TRAF1: variants seen among roughly 807,000 people sequenced by gnomAD.
TRAF1 encodes the protein TNF receptor-associated factor 1.
Under a neutral mutation model 40.9 loss-of-function variants are expected in TRAF1, and 23 were observed. That is an observed-to-expected ratio of 0.56 (90% confidence interval 0.40 to 0.80). TRAF1 has a LOEUF of 0.80. TRAF1 is among the 30% of genes least tolerant of loss of function. The probability of loss-of-function intolerance (pLI) is 0.00; values close to 1 mark genes in which losing one functional copy is unlikely to be tolerated. For missense variants in TRAF1, 477 were observed against 528.7 expected (o/e 0.90, Z 0.96); for synonymous variants, 206 against 218.8 (o/e 0.94, Z 0.52).
intron 7 of TRAF1, among the ~76,000 whole-genome samples, chr9:120,908,637 G>A (rs1453291614): frequency 1.3e-5 from 2 of 151,966 alleles, no homozygotes; most frequent in Admixed American, 1.3e-4. Context: ...TTGGCTAACT[G>A]CAACCTCCGC....
intron 1 of TRAF1, 69 bp from the exon 2 acceptor site, chr9:120,926,370 A>G (rs981692933): frequency 4.2e-6 from 1 of 240,780 alleles, no homozygotes. Flanking sequence ...AGTCAGAGAA[A>G]ATGACCCGTG....
Position 120,909,231 on chromosome 9 carries a change from T to G in TRAF1, c.1031A>C (p.Lys344Thr). Residue 344 changes from lysine to threonine, a missense_variant and splice_region_variant, in exon 7 of 8, where the codon AAG becomes ACG. Physicochemically the swap from Lys to Thr is moderately conservative, Grantham distance 78 (BLOSUM62 -1). Transcript: ENST00000373887. ...CCCCCATCACCTTCACACCCATACC[T>G]TGTTCCGGAAGGGCCACGGCAGCAG... ...DALLPWPFRN[K>T]VTFMLLDQNN... 1 of 1,613,672 alleles carries G rather than the reference T, an allele frequency of 6.2e-7. No homozygotes were observed. The highest frequency in any genetic ancestry group is 8.5e-7 in the Non-Finnish European group (1 of 1,179,930).
chr9:120,922,057 T>C (rs891301494), intron 3 of TRAF1, among the ~76,000 whole-genome samples: 1 of 152,240 alleles, frequency 6.6e-6, no homozygotes, highest in African/African-American at 2.4e-5. Context: ...ATCAGGCTCC[T>C]GATCCCTGGG....
At chr9:120,924,224 T>C (rs1027806413) in intron 2 of TRAF1, among the ~76,000 whole-genome samples, 10 of 152,228 alleles carry the variant, frequency 6.6e-5, no homozygotes, top group Non-Finnish European at 1.3e-4. Context: ...GACATGTGAC[T>C]ATATTTGCTC....
intron 3 of TRAF1, among the ~76,000 whole-genome samples, chr9:120,917,320 C>G (rs1321529216): frequency 1.3e-5 from 2 of 152,096 alleles, no homozygotes; most frequent in African/African-American, 4.8e-5. Context: ...GCCTCTGGAG[C>G]CAGCCTTTTG....
At chr9:120,914,377 A>G in intron 3 of TRAF1, 77 bp from the exon 4 acceptor site, 5 of 1,321,444 alleles carry the variant, frequency 3.8e-6, no homozygotes, top group South Asian at 2.5e-5. Flanking sequence ...ATGCACCAGG[A>G]TCCACCAGGG....
At position 120,923,710 on chromosome 9, in the gene TRAF1, C is replaced by T. The variant is rs773234944; in HGVS notation, c.223G>A (p.Glu75Lys). 4 of 1,614,012 alleles carry T rather than the reference C, an allele frequency of 2.5e-6. No homozygotes were observed. The African/African-American group carries it at 4.0e-5, about 16-fold the overall frequency. Residue 75 changes from glutamate (E) to lysine (K), a missense_variant, in exon 3 of 8, where the codon GAG becomes AAG. Coordinates refer to ENST00000373887, the MANE Select transcript of TRAF1 (RefSeq NM_005658.5). The part of the protein sequence containing the change: ...ISPGSRLRTQ[E>K]KAHPEVAEAG... The stretch of plus-strand genomic sequence containing the variant: ...TCTGTGATGTGCCAACGTACCTTCT[C>T]CTGAGTTCGAAGACGGCTTCCTGGG...
At chr9:120,905,324 A>C (rs2046472475) in intron 7 of TRAF1, 86 bp from the exon 8 acceptor site, 3 of 1,363,904 alleles carry the variant, frequency 2.2e-6, no homozygotes, top group African/African-American at 1.4e-5. Flanking sequence ...GCTGTGCTCC[A>C]CACCTACTGC....
rs2046508412 is a variant in TRAF1 at position 120,909,341 on chromosome 9, C to T, written c.921G>A (p.Leu307=). The change falls in exon 7 of 8, where the codon CTG becomes CTA. Residue 307 remains leucine (L), a synonymous_variant. Transcript: ENST00000373887. ...TGCCATCTCCATTCAGGTACAGCCG[C>T]AGGCACAACTTGTAGCCATACTTGG... ...YTAKYGYKLC[L]RLYLNGDGTG... 1 of 1,614,058 alleles carries T rather than the reference C, an allele frequency of 6.2e-7. No individual in the cohort carries two copies. Among genetic ancestry groups the T allele is most frequent in the Non-Finnish European group, 8.5e-7 (1 of 1,180,050 alleles).
chr9:120,926,875 G>T (rs898251682), upstream of TRAF1: 1 of 152,128 alleles, frequency 6.6e-6, no homozygotes, highest in Non-Finnish European at 1.5e-5. Context: ...TACATGCTCC[G>T]GTCAGGTGCC....
At chr9:120,917,837 T>A (rs546509725) in intron 3 of TRAF1, among the ~76,000 whole-genome samples, 1 of 152,208 alleles carries the variant, frequency 6.6e-6, no homozygotes, top group Non-Finnish European at 1.5e-5. Context: ...CATTTAATCG[T>A]GTCTGCAGAG....
chr9:120,911,596 G>A (rs1454163975), intron 5 of TRAF1, 83 bp from the exon 6 acceptor site: 97 of 1,505,958 alleles, frequency 6.4e-5, no homozygotes, highest in Non-Finnish European at 8.7e-5. Context: ...AGATTGATCT[G>A]CCCCAGATGT....
rs2046640621 is a variant in TRAF1 at position 120,926,296 on chromosome 9, T to C, written c.-221A>G. 2 of 449,652 alleles carry C rather than the reference T, an allele frequency of 4.4e-6. No individual in the cohort carries two copies. Among genetic ancestry groups the C allele is most frequent in the Non-Finnish European group, 7.7e-6 (2 of 261,168 alleles). 27.9% of individuals were successfully genotyped at this position (449,652 alleles called of 1,614,324 possible). ...CGATAAAAATCCCCTGGATGGTGAC[T>C]GAAGGCTTTAGGAGTGTCCAGTCAT... On this transcript the variant is annotated 5_prime_UTR_variant, in exon 2 of 8. Coordinates refer to ENST00000373887, the MANE Select transcript of TRAF1 (RefSeq NM_005658.5).
intron 3 of TRAF1, among the ~76,000 whole-genome samples, chr9:120,919,617 AC>A (rs976458890): frequency 2.2e-4 from 33 of 152,300 alleles, no homozygotes; most frequent in Middle Eastern, 3.4e-3. Flanking sequence ...CTCTACAGTC[AC>A]ATGGGGAGCT....
intron 3 of TRAF1, among the ~76,000 whole-genome samples, chr9:120,921,665 C>G (rs1460414140): frequency 6.6e-6 from 1 of 152,018 alleles, no homozygotes; most frequent in Admixed American, 6.6e-5. Context: ...TTAACTCTTA[C>G]CACGTTGCAG....
chr9:120,928,856 T>C (rs974566862), upstream of TRAF1: 2 of 152,206 alleles, frequency 1.3e-5, no homozygotes, highest in Admixed American at 6.5e-5. Context: ...ACATATCCAG[T>C]TGCGAGGGCA....
chr9:120,915,296 C>A (rs1029917819), intron 3 of TRAF1, among the ~76,000 whole-genome samples: 2 of 152,200 alleles, frequency 1.3e-5, no homozygotes, highest in African/African-American at 2.4e-5. Flanking sequence ...CAAACCTGTA[C>A]AGCACGTGAC....
At position 120,904,641 on chromosome 9, in the gene TRAF1, C is replaced by T; in HGVS notation, c.*379G>A. ...TGTCCAGGTCTCCCTGGCGGCCCTG[C>T]AGAGATCTTCCTAGCCCGAGAGCTT... is the stretch of plus-strand genomic sequence containing the variant. On this transcript the variant is annotated 3_prime_UTR_variant, in exon 8 of 8. Coordinates refer to ENST00000373887, the MANE Select transcript of TRAF1 (RefSeq NM_005658.5). 4.0e-6 allele frequency: 1 copy of T among 251,990 alleles called. No homozygotes were observed. Among genetic ancestry groups the T allele is most frequent in the Non-Finnish European group, 7.8e-6 (1 of 127,518 alleles). 15.6% of individuals were successfully genotyped at this position (251,990 alleles called of 1,614,324 possible).
chr9:120,921,301 C>A (rs1008383), intron 3 of TRAF1, among the ~76,000 whole-genome samples: 5 of 151,528 alleles, frequency 3.3e-5, no homozygotes, highest in African/African-American at 9.7e-5. Flanking sequence ...CTTAGGGGCT[C>A]GGATAGGAGA....
Sources: allele counts gnomAD v4.1 joint callset (sites outside exome capture counted in the v4.1 genomes callset), GRCh38; gene constraint gnomAD v4.1.1; transcripts MANE v1.5; gene names NCBI Gene and HGNC (gene_info 2026-07-23, HGNC 2026-07-21).